The following IL1R1 variants were observed in gnomAD, a reference collection of about 807,000 sequenced individuals.
The protein encoded by IL1R1 is interleukin 1 receptor type 1.
IL1R1 carries 22 observed loss-of-function variants against 50.2 expected under a neutral mutation model. The ratio of observed to expected loss-of-function variants is 0.44; its 90% CI spans 0.31 to 0.63. The LOEUF is 0.63. Ranked by LOEUF, IL1R1 falls within the 20% of genes least tolerant of loss-of-function variation. IL1R1 has a pLI of 0.07. For synonymous variants in IL1R1, 251 were observed against 236.7 expected (o/e 1.06, Z -0.55); for missense variants, 509 against 676.2 (o/e 0.75, Z 2.74).
At chr2:102,117,390 T>A (rs1404396763) in intron 1 of IL1R1, among the ~76,000 whole-genome samples, 1 of 152,128 alleles carries the variant, frequency 6.6e-6, no homozygotes, top group Admixed American at 6.6e-5. Context: ...ACTGTGGGCC[T>A]CTCCCATCAG....
intron 1 of IL1R1, among the ~76,000 whole-genome samples, chr2:102,114,891 G>A (rs370784251): frequency 2.6e-5 from 4 of 152,306 alleles, no homozygotes; most frequent in South Asian, 4.1e-4. Flanking sequence ...CCCAGTGTGT[G>A]TGAATGTAAG....
intron 1 of IL1R1, among the ~76,000 whole-genome samples, chr2:102,150,725 G>A (rs1356221138): frequency 2.0e-4 from 31 of 152,168 alleles, no homozygotes; most frequent in Non-Finnish European, 1.5e-5. Flanking sequence ...ACCAGCCTAG[G>A]CCTTGGGTCA....
intron 1 of IL1R1, among the ~76,000 whole-genome samples, chr2:102,090,617 A>C (rs752274424): frequency 9.2e-5 from 14 of 152,086 alleles, no homozygotes; most frequent in Non-Finnish European, 1.8e-4. Context: ...CACTTCAGCT[A>C]TTATATTTTT....
At chr2:102,120,918 CCG>C (rs1681369739) in intron 1 of IL1R1, among the ~76,000 whole-genome samples, 1 of 152,312 alleles carries the variant, frequency 6.6e-6, no homozygotes, top group Non-Finnish European at 1.5e-5. Context: ...TGGTCCACAT[CCG>C]GGTTTTTAGC....
At chr2:102,117,920 GA>G (rs5832995) in intron 1 of IL1R1, among the ~76,000 whole-genome samples, 26,521 of 150,282 alleles carry the variant, frequency 0.18, 2,482 homozygotes, top group South Asian at 0.21. Flanking sequence ...AAAGGAACAA[GA>G]AAAAAATATA....
intron 1 of IL1R1, chr2:102,070,669 A>T (rs1678675364): frequency 6.6e-6 from 1 of 152,186 alleles, no homozygotes; most frequent in Non-Finnish European, 1.5e-5. Context: ...ATAGAAAGCC[A>T]GGGTAAGGTT....
chr2:102,166,284 G>A lies in IL1R1; in HGVS notation c.655+3G>A, dbSNP rs1015167910. ...GGTAATAGAATTTATTACTCTAGGT[G>A]AGTCATAGCTCCAGCCCTAAAAGGT... is the stretch of plus-strand genomic sequence containing the variant. On this transcript the variant is annotated splice_donor_region_variant and intron_variant, in intron 6 of 11. Transcript: ENST00000410023. 8.1e-6 allele frequency: 13 copies of A among 1,609,472 alleles called. No individual in the cohort carries two copies. The highest frequency in any genetic ancestry group is 6.7e-5 in the Admixed American group (4 of 59,868).
chr2:102,176,933 C>A lies in IL1R1; in HGVS notation c.*174C>A. 1 of 649,460 alleles carries A rather than the reference C, an allele frequency of 1.5e-6. No individual in the cohort carries two copies. Among genetic ancestry groups the A allele is most frequent in the South Asian group, 2.0e-5 (1 of 49,380 alleles). 40.2% of individuals were successfully genotyped at this position (649,460 alleles called of 1,614,324 possible). ...AATAAGCCATGACGTCAATAGCAGC[C>A]CAGGGCACTTCAGAGTAGAGGGCTT... On this transcript the variant is annotated 3_prime_UTR_variant, in exon 12 of 12. Transcript: ENST00000410023.
chr2:102,174,619 T>C lies in IL1R1; in HGVS notation c.1024T>C (p.Cys342Arg). 1 of 1,608,890 alleles carries C rather than the reference T, an allele frequency of 6.2e-7. No individual in the cohort carries two copies. Among genetic ancestry groups the C allele is most frequent in the Non-Finnish European group, 8.5e-7 (1 of 1,178,072 alleles). Residue 342 changes from cysteine to arginine, a missense_variant, in exon 10 of 12, where the codon TGT (cysteine) becomes CGT (arginine). Coordinates refer to ENST00000410023, the MANE Select transcript of IL1R1 (RefSeq NM_000877.4). ...TTTCCAGAAGCACATGATTGGTATA[T>C]GTGTCACGTTGACAGTCATAATTGT... ...TNFQKHMIGI[C>R]VTLTVIIVCS...
chr2:102,094,722 C>T (rs1019469425), intron 1 of IL1R1, among the ~76,000 whole-genome samples: 3 of 152,024 alleles, frequency 2.0e-5, no homozygotes, highest in East Asian at 1.9e-4. Flanking sequence ...TTTATGTGTG[C>T]GTTACCAGGT....
rs1334492837 is a variant in IL1R1, at chr2:102,157,798, T to C, written c.61+13T>C. The C allele has an allele frequency of 1.3e-6, 2 of 1,549,812 alleles. No individual in the cohort carries two copies. Among genetic ancestry groups the C allele is most frequent in the Non-Finnish European group, 8.9e-7 (1 of 1,122,848 alleles). On this transcript the variant is annotated intron_variant, in intron 3 of 11. Transcript: ENST00000410023. ...TCTCTGGAGGCTGGTAAGTTAAGTA[T>C]TTCTTTGTGTTCTTGTCTGCTAAGA...
At chr2:102,137,318 G>T (rs759050076) in intron 1 of IL1R1, among the ~76,000 whole-genome samples, 1 of 152,144 alleles carries the variant, frequency 6.6e-6, no homozygotes, top group East Asian at 1.9e-4. Context: ...AAACAACAGT[G>T]TATTATTATC....
At chr2:102,080,724 A>T (rs921246603) in intron 1 of IL1R1, among the ~76,000 whole-genome samples, 2 of 152,228 alleles carry the variant, frequency 1.3e-5, no homozygotes, top group Non-Finnish European at 2.9e-5. Flanking sequence ...TATCTATGTG[A>T]CATAATTAAC....
chr2:102,123,023 CT>C lies in IL1R1; in HGVS notation c.-84+18154del, dbSNP rs1262775268. Among the ~76,000 whole-genome samples, 5 of 152,276 alleles carry C rather than the reference CT, an allele frequency of 3.3e-5. No homozygotes were observed. The East Asian group carries it at 9.6e-4, about 29-fold the overall frequency. ...AGCAGGGATCAGGGAAATTGGTTTA[CT>C]TTAGTAAGAAATATAGGCATGCTGA... On this transcript the variant is annotated intron_variant, in intron 1 of 10. Transcript: ENST00000409329.
In IL1R1 at chr2:102,093,841, G is replaced by A. The variant is rs114826495; in HGVS notation, c.-84+23308G>A. Among the ~76,000 whole-genome samples, 1,365 of 149,288 alleles carry A rather than the reference G, an allele frequency of 9.1e-3. 20 individuals carry two copies. The highest frequency in any genetic ancestry group is 0.031 in the African/African-American group (1,283 of 40,764). On this transcript the variant is annotated intron_variant, in intron 1 of 11. Coordinates refer to the IL1R1 transcript ENST00000409929. ...TGGTCCCCACCTCCTCTGAGTGTCC[G>A]AGGAGACACGCGCGGGGCAGCAGGC...
In IL1R1 at chr2:102,177,723, C is replaced by T. The variant is rs1686259470; in HGVS notation, c.*964C>T. On this transcript the variant is annotated 3_prime_UTR_variant, in exon 12 of 12. Transcript: ENST00000410023. ...AAGCAACAGTAGCAGGGAATTGATC[C>T]ACTTCTTAATGCTTTCCTCCCTGGC... The T allele has an allele frequency of 6.6e-6, 1 of 152,356 alleles. No homozygotes were observed. Among genetic ancestry groups the T allele is most frequent in the South Asian group, 2.1e-4 (1 of 4,830 alleles). 9.4% of individuals were successfully genotyped at this position (152,356 alleles called of 1,614,324 possible).
At chr2:102,137,777 A>T (rs1682426208), upstream of IL1R1, among the ~76,000 whole-genome samples, 1 of 152,218 alleles carries the variant, frequency 6.6e-6, no homozygotes, top group Non-Finnish European at 1.5e-5. Context: ...AGAAGCAAAG[A>T]ATTTGCAGTT....
chr2:102,116,857 T>A (rs1169057647), intron 1 of IL1R1, among the ~76,000 whole-genome samples: 1 of 152,186 alleles, frequency 6.6e-6, no homozygotes, highest in South Asian at 2.1e-4. Context: ...TCGTAACATT[T>A]TCCTAGATAA....
chr2:102,074,413 C>CATCTCTGGGCCTCTCCGCCCATGTT (rs56030113), intron 1 of IL1R1, among the ~76,000 whole-genome samples: 26,675 of 151,870 alleles, frequency 0.18, 2,747 homozygotes, highest in East Asian at 0.46. Context: ...CTGCCCATGT[C>CATCTCTGGGCCTCTCCGCCCATGTT]ATCTCTGGGC....
Sources: gnomAD v4.1 joint callset for allele counts (sites outside exome capture counted in the v4.1 genomes callset) on GRCh38, gnomAD v4.1.1 for gene constraint, MANE v1.5 for transcripts, NCBI Gene and HGNC (gene_info 2026-07-23, HGNC 2026-07-21) for gene names.